NAALADL2: variants seen among roughly 807,000 people sequenced by gnomAD.
NAALADL2 encodes the protein inactive N-acetylated-alpha-linked acidic dipeptidase-like protein 2.
Under a neutral mutation model 87.2 loss-of-function variants are expected in NAALADL2, and 76 were observed. The ratio of observed to expected loss-of-function variants is 0.87; its 90% confidence interval spans 0.72 to 1.05. NAALADL2 has a LOEUF of 1.05. NAALADL2 is among the 50% of genes least tolerant of loss of function. The pLI is 0.00. For synonymous variants in NAALADL2, 354 were observed against 331.0 expected (o/e 1.07, Z -0.75); for missense variants, 1,089 against 945.8 (o/e 1.15, Z -1.99).
Position 175,736,140 on chromosome 3 carries a change from G to A in NAALADL2, c.1897-1166G>A, listed in dbSNP as rs926788885. 1.4e-4 allele frequency among the ~76,000 whole-genome samples: 21 copies of A among 152,314 alleles called. 1 individual carries two copies. Among genetic ancestry groups the A allele is most frequent in the Middle Eastern group, 6.8e-3 (2 of 294 alleles). On this transcript the variant is annotated intron_variant, in intron 11 of 13. Transcript: ENST00000454872. ...CCCTAAGGTCCTTTGAGATGTGTATGAATGCATATGACTTGTTCAGCCTAT... is the reference window on the plus strand; with the variant it reads ...CCCTAAGGTCCTTTGAGATGTGTATAAATGCATATGACTTGTTCAGCCTAT...
At chr3:174,825,323 G>A (rs1721863527) in intron 3 of NAALADL2, among the ~76,000 whole-genome samples, 1 of 152,218 alleles carries the variant, frequency 6.6e-6, no homozygotes, top group African/African-American at 2.4e-5. Flanking sequence ...CTTGGGGGAA[G>A]TCAGGGTGCT....
chr3:174,482,191 G>A (rs1169761387), intron 1 of NAALADL2, among the ~76,000 whole-genome samples: 1 of 152,032 alleles, frequency 6.6e-6, no homozygotes, highest in Non-Finnish European at 1.5e-5. Context: ...TTTATTTCCT[G>A]ACCTCTCTGC....
intron 5 of NAALADL2, among the ~76,000 whole-genome samples, chr3:175,422,685 C>G (rs1715909132): frequency 6.6e-6 from 1 of 151,964 alleles, no homozygotes; most frequent in East Asian, 1.9e-4. Context: ...TAACTTTTAG[C>G]TTTTTATAAA....
chr3:175,324,298 C>A lies in NAALADL2; in HGVS notation c.1063C>A (p.Pro355Thr), dbSNP rs1378840913. The A allele has an allele frequency of 1.2e-6, 2 of 1,611,958 alleles. No individual in the cohort carries two copies. The highest frequency in any genetic ancestry group is 8.5e-7 in the Non-Finnish European group (1 of 1,179,122). The change falls in exon 5 of 14, where the codon CCT (proline) becomes ACT (threonine). Residue 355 changes from proline (P) to threonine (T), a missense_variant. Coordinates refer to ENST00000454872, the MANE Select transcript of NAALADL2 (RefSeq NM_207015.3). The part of the protein sequence containing the change: ...FMVSLNPGGD[P>T]STPGYPSVDE... ...GGTGTCACTGAATCCAGGAGGAGAC[C>A]CTTCTACGCCTGGTTACCCAAGTGT...
intron 11 of NAALADL2, among the ~76,000 whole-genome samples, chr3:175,633,468 C>T (rs943712725): frequency 5.9e-5 from 9 of 151,900 alleles, no homozygotes; most frequent in Admixed American, 1.3e-4. Flanking sequence ...AAGAGAAAGG[C>T]TTTAAAAATC....
At chr3:175,026,272 C>A (rs1256796363) in intron 1 of NAALADL2, among the ~76,000 whole-genome samples, 2 of 151,924 alleles carry the variant, frequency 1.3e-5, no homozygotes. Context: ...TAATCTCATG[C>A]ACTTTGGAGA....
chr3:175,185,101 A>G (rs1254455739), intron 2 of NAALADL2, among the ~76,000 whole-genome samples: 2 of 152,192 alleles, frequency 1.3e-5, no homozygotes, highest in East Asian at 1.9e-4. Flanking sequence ...TGCCTGTGAC[A>G]TGCTATGCTG....
chr3:174,441,401 C>T (rs959277675), intron 1 of NAALADL2, among the ~76,000 whole-genome samples: 2 of 152,190 alleles, frequency 1.3e-5, no homozygotes, highest in Non-Finnish European at 2.9e-5. Context: ...GTCCCCGCTT[C>T]TGACACGTTC....
chr3:174,692,440 T>C (rs2108856733), intron 2 of NAALADL2, among the ~76,000 whole-genome samples: 1 of 152,310 alleles, frequency 6.6e-6, no homozygotes, highest in Admixed American at 6.5e-5. Context: ...AAAATAAATA[T>C]TTCCATTTTA....
chr3:174,986,880 A>C (rs1022814688), intron 1 of NAALADL2, among the ~76,000 whole-genome samples: 1 of 152,202 alleles, frequency 6.6e-6, no homozygotes, highest in Non-Finnish European at 1.5e-5. Flanking sequence ...ATCAAACTAA[A>C]GTAAGGCTCT....
At chr3:174,910,406 A>C (rs1010330692) in intron 1 of NAALADL2, among the ~76,000 whole-genome samples, 1 of 152,012 alleles carries the variant, frequency 6.6e-6, no homozygotes, top group South Asian at 2.1e-4. Flanking sequence ...AAAATTTTCC[A>C]GTTTATTAAA....
Position 174,453,873 on chromosome 3 carries a change from T to C in NAALADL2, c.-184+12841T>C, listed in dbSNP as rs1259385601. 2.0e-5 allele frequency among the ~76,000 whole-genome samples: 3 copies of C among 152,112 alleles called. No individual in the cohort carries two copies. In the South Asian group the frequency reaches 6.2e-4, roughly 31 times the overall value. ...CAAACAAGTCTGCATGATAACCAGC[T>C]AACACCATGATGACAGTATCAAATT... On this transcript the variant is annotated intron_variant, in intron 1 of 3. Transcript: ENST00000434257.
chr3:174,700,453 C>A (rs572871836), intron 2 of NAALADL2, among the ~76,000 whole-genome samples: 1 of 151,918 alleles, frequency 6.6e-6, no homozygotes, highest in African/African-American at 2.4e-5. Flanking sequence ...CAAAGCTAAC[C>A]GTTTAAAATC....
intron 2 of NAALADL2, among the ~76,000 whole-genome samples, chr3:174,714,972 A>C (rs1014533661): frequency 1.3e-4 from 20 of 152,306 alleles, no homozygotes; most frequent in African/African-American, 4.8e-4. Flanking sequence ...GATATGTCCC[A>C]TCAATACCTA....
intron 3 of NAALADL2, among the ~76,000 whole-genome samples, chr3:174,740,917 C>T (rs1045913083): frequency 1.7e-4 from 26 of 151,716 alleles, no homozygotes; most frequent in Non-Finnish European, 1.0e-4. Context: ...AAAAAGTTCT[C>T]ACTAAACTAT....
intron 2 of NAALADL2, among the ~76,000 whole-genome samples, chr3:174,611,272 A>G (rs574706951): frequency 6.6e-6 from 1 of 152,264 alleles, no homozygotes; most frequent in East Asian, 1.9e-4. Flanking sequence ...ATATGTAACT[A>G]ACCTGCACAT....
intron 4 of NAALADL2, among the ~76,000 whole-genome samples, chr3:175,269,921 G>C (rs1345654602): frequency 1.3e-5 from 2 of 152,108 alleles, no homozygotes; most frequent in African/African-American, 4.8e-5. Context: ...GAATGAGAGA[G>C]ATACACAGAG....
At chr3:174,687,756 C>A (rs1014385728) in intron 2 of NAALADL2, among the ~76,000 whole-genome samples, 1 of 152,096 alleles carries the variant, frequency 6.6e-6, no homozygotes, top group Non-Finnish European at 1.5e-5. Context: ...TAATAATCCT[C>A]ATGTGTCAAG....
At position 175,234,112 on chromosome 3, in the gene NAALADL2, A is replaced by C. The variant is rs370413925; in HGVS notation, c.727A>C (p.Asn243His). The change falls in exon 3 of 14, where the codon AAT becomes CAT. Residue 243 changes from asparagine to histidine, a missense_variant. Coordinates refer to ENST00000454872, the MANE Select transcript of NAALADL2 (RefSeq NM_207015.3). ...CAGCAGTGGTCAATGCTTTCATCCT[A>C]ATGGCCAGCCTTGCAGTGAAGAAGC... The part of the protein sequence containing the change: ...LSSSGQCFHP[N>H]GQPCSEEARK... 1.2e-6 allele frequency: 2 copies of C among 1,613,846 alleles called. No homozygotes were observed. The highest frequency in any genetic ancestry group is 1.7e-6 in the Non-Finnish European group (2 of 1,179,818).
Sources: allele counts gnomAD v4.1 joint callset (sites outside exome capture counted in the v4.1 genomes callset), GRCh38; gene constraint gnomAD v4.1.1; transcripts MANE v1.5; gene names NCBI Gene and HGNC (gene_info 2026-07-23, HGNC 2026-07-21).